The following SLC35F3 variants were observed in gnomAD, a reference collection of about 807,000 sequenced individuals.
SLC35F3 encodes the protein solute carrier family 35 member F3.
A neutral mutation model predicts 49.9 loss-of-function variants in SLC35F3; 25 were observed. The ratio of observed to expected loss-of-function variants is 0.50; its 90% CI spans 0.37 to 0.70. SLC35F3 has a LOEUF of 0.70. SLC35F3 is among the 30% of genes least tolerant of loss of function. SLC35F3 has a pLI of 0.00. For missense variants in SLC35F3, 525 were observed against 639.8 expected (o/e 0.82, Z 1.94); for synonymous variants, 275 against 265.4 (o/e 1.04, Z -0.35).
At chr1:234,033,552 C>T (rs1450221353) in intron 2 of SLC35F3, among the ~76,000 whole-genome samples, 1 of 152,166 alleles carries the variant, frequency 6.6e-6, no homozygotes, top group African/African-American at 2.4e-5. Context: ...AGATGAGAAT[C>T]CAGTTTCATT....
At chr1:234,044,436 C>G (rs1457975098) in intron 2 of SLC35F3, among the ~76,000 whole-genome samples, 1 of 152,194 alleles carries the variant, frequency 6.6e-6, no homozygotes, top group Admixed American at 6.5e-5. Flanking sequence ...TGTCTACTCT[C>G]AAGATTTTGT....
Position 234,231,768 on chromosome 1 carries a change from T to C in SLC35F3, c.608+27T>C. 6.4e-7 allele frequency: 1 copy of C among 1,570,458 alleles called. No individual in the cohort carries two copies. Among genetic ancestry groups the C allele is most frequent in the Non-Finnish European group, 8.7e-7 (1 of 1,153,848 alleles). On this transcript the variant is annotated intron_variant, in intron 3 of 7. Coordinates refer to ENST00000366618, the MANE Select transcript of SLC35F3 (RefSeq NM_173508.4). The surrounding 1 kb of genome is among the most constrained non-coding windows in gnomAD (Gnocchi z 5.4). ...TAGGCGCGTCCTGCATGAGGAGGCC[T>C]CCTGACCCCGGGCTGCTCCATCCAG...
At chr1:234,232,513 C>T (rs1392474023) in intron 3 of SLC35F3, among the ~76,000 whole-genome samples, 10 of 55,752 alleles carry the variant, frequency 1.8e-4, no homozygotes, top group African/African-American at 9.5e-4. Context: ...CCAAATCAGG[C>T]CTAGTCAAAA....
At chr1:233,943,829 CAA>C (rs1662469672) in intron 2 of SLC35F3, among the ~76,000 whole-genome samples, 1 of 152,210 alleles carries the variant, frequency 6.6e-6, no homozygotes. Context: ...GCAACTTTAT[CAA>C]ATATTGAGGT....
In SLC35F3 at chr1:233,950,457, T is replaced by TTTCCTTCC. The variant is rs374073382; in HGVS notation, c.283+44722_283+44729dup. ...CAGCAAAGAAATGTTTCCTTCCTTC[T>TTTCCTTCC]TTCCTTCCTTCCTTCCTTCCTTCCT... On this transcript the variant is annotated intron_variant, in intron 2 of 7. Transcript: ENST00000366618. Among the ~76,000 whole-genome samples the TTTCCTTCC allele has an allele frequency of 6.7e-3, 857 of 127,300 alleles. 11 individuals are homozygous for TTTCCTTCC. Among genetic ancestry groups the TTTCCTTCC allele is most frequent in the Admixed American group, 0.025 (263 of 10,586 alleles). 83.5% of individuals were successfully genotyped at this position (127,300 alleles called of 152,430 possible). A position where few individuals can be genotyped will look rare whatever the true frequency, so the allele number is the denominator to read the frequency against.
intron 2 of SLC35F3, among the ~76,000 whole-genome samples, chr1:234,018,065 T>C (rs1663831457): frequency 6.6e-6 from 1 of 151,944 alleles, no homozygotes; most frequent in Non-Finnish European, 1.5e-5. Context: ...ATATGGGAGA[T>C]GAAACAAGAA....
At chr1:234,174,941 A>T (rs1041871174) in intron 2 of SLC35F3, among the ~76,000 whole-genome samples, 18 of 152,184 alleles carry the variant, frequency 1.2e-4, no homozygotes, top group African/African-American at 4.3e-4. Context: ...CATCCAACAA[A>T]GAGTTCAGTC....
chr1:233,942,496 A>G (rs1571989336), intron 2 of SLC35F3, among the ~76,000 whole-genome samples: 1 of 152,134 alleles, frequency 6.6e-6, no homozygotes, highest in Admixed American at 6.5e-5. Flanking sequence ...ATCATGGCTC[A>G]CTGCAGCCTT....
At chr1:233,948,220 GGAGAGAGGGAGAGA>G (rs1662546466) in intron 2 of SLC35F3, among the ~76,000 whole-genome samples, 1 of 122,400 alleles carries the variant, frequency 8.2e-6, no homozygotes, top group African/African-American at 2.8e-5. Flanking sequence ...AGGGAGAGAG[GGAGAGAGGGAGAGA>G]GAGAGAGAGA....
chr1:234,152,221 ATTATTG>A (rs973371352), intron 2 of SLC35F3, among the ~76,000 whole-genome samples: 6 of 144,546 alleles, frequency 4.2e-5, no homozygotes, highest in African/African-American at 1.6e-4. Context: ...CATTATTATT[ATTATTG>A]TTATTATTAT....
chr1:234,041,043 T>A (rs1423873247), intron 2 of SLC35F3, among the ~76,000 whole-genome samples: 1 of 152,130 alleles, frequency 6.6e-6, no homozygotes, highest in Non-Finnish European at 1.5e-5. Flanking sequence ...TCTGCAGAGG[T>A]ATATTCGTTT....
intron 2 of SLC35F3, among the ~76,000 whole-genome samples, chr1:234,048,447 G>A (rs1287863614): frequency 6.6e-6 from 1 of 152,184 alleles, no homozygotes; most frequent in Non-Finnish European, 1.5e-5. Context: ...AAAGGGGACA[G>A]TGTTAAACAG....
intron 2 of SLC35F3, among the ~76,000 whole-genome samples, chr1:233,910,797 T>C (rs925210867): frequency 4.6e-5 from 7 of 152,232 alleles, no homozygotes; most frequent in African/African-American, 1.7e-4. Context: ...CGTCAACTAT[T>C]ATTCACTACA....
At chr1:234,049,436 A>C (rs1227479598) in intron 2 of SLC35F3, among the ~76,000 whole-genome samples, 9 of 152,018 alleles carry the variant, frequency 5.9e-5, no homozygotes, top group African/African-American at 2.2e-4. Flanking sequence ...ATTTAAGGAC[A>C]CAACAAGAAG....
At chr1:234,266,873 G>GTTTTTT (rs34040004) in intron 3 of SLC35F3, among the ~76,000 whole-genome samples, 256 of 108,524 alleles carry the variant, frequency 2.4e-3, no homozygotes, top group Middle Eastern at 7.1e-3. Context: ...GAAGCACATG[G>GTTTTTT]TTTTTTTTTT....
At chr1:233,939,151 G>T (rs1170148684) in intron 2 of SLC35F3, among the ~76,000 whole-genome samples, 1 of 152,108 alleles carries the variant, frequency 6.6e-6, no homozygotes, top group Non-Finnish European at 1.5e-5. Flanking sequence ...CATAGATACT[G>T]GTATAGTTAA....
In SLC35F3 at chr1:234,320,074, C is replaced by A; in HGVS notation, c.1148-24C>A. On this transcript the variant is annotated intron_variant, in intron 6 of 7. Transcript: ENST00000366618. This position sits in a 1 kb window ranked among gnomAD's most constrained non-coding sequence, Gnocchi z 4.8. Reference sequence around the variant, plus strand: ...GTACACAGCAGTCATGAATAACACTCGTTGTTTACATTCTTTATTTCAGCA... The same window carrying A: ...GTACACAGCAGTCATGAATAACACTAGTTGTTTACATTCTTTATTTCAGCA... The A allele has an allele frequency of 6.6e-7, 1 of 1,515,676 alleles. No homozygotes were observed. 93.9% of individuals were successfully genotyped at this position (1,515,676 alleles called of 1,614,324 possible).
At chr1:234,039,038 G>A (rs974586439) in intron 2 of SLC35F3, among the ~76,000 whole-genome samples, 6 of 152,212 alleles carry the variant, frequency 3.9e-5, no homozygotes, top group African/African-American at 1.4e-4. Context: ...AGAAGAGATG[G>A]ATGGATATTA....
chr1:233,935,695 G>A (rs745353595), intron 2 of SLC35F3, among the ~76,000 whole-genome samples: 1 of 152,174 alleles, frequency 6.6e-6, no homozygotes, highest in Non-Finnish European at 1.5e-5. Flanking sequence ...CCCTGCCCCA[G>A]TTCCTCTCAT....
Sources: gnomAD v4.1 joint callset for allele counts (sites outside exome capture counted in the v4.1 genomes callset) on GRCh38, gnomAD v4.1.1 for gene constraint, Gnocchi (gnomAD v3.1) non-coding constraint, MANE v1.5 for transcripts, NCBI Gene and HGNC (gene_info 2026-07-23, HGNC 2026-07-21) for gene names.